SH3TC1: variants seen among roughly 807,000 people sequenced by gnomAD.
SH3TC1 encodes SH3 domain and tetratricopeptide repeats 1, also known as SH3 domain and tetratricopeptide repeat-containing protein 1.
Under a neutral mutation model 117.3 loss-of-function variants are expected in SH3TC1, and 135 were observed. The observed-to-expected ratio is 1.15, with a 90% CI of 1.00 to 1.33. SH3TC1 has a LOEUF of 1.33. Ranked by LOEUF, SH3TC1 falls within the 40% of genes most tolerant of loss-of-function variation. The pLI is 0.00. For synonymous variants in SH3TC1, 898 were observed against 816.9 expected, an observed-to-expected ratio of 1.10 and a Z score of -1.69; for missense variants, 2,092 against 1,794.3, an observed-to-expected ratio of 1.17 and a Z score of -3.00.
chr4:8,184,020 A>G (rs1031887814), intron 1 of SH3TC1, among the ~76,000 whole-genome samples: 2 of 152,074 alleles, frequency 1.3e-5, no homozygotes, highest in African/African-American at 4.8e-5. Context: ...AAAGTGCTGT[A>G]TTACAGGCAT....
intron 16 of SH3TC1, 130 bp downstream of exon 16, chr4:8,236,558 C>G (rs1169409946): frequency 7.9e-7 from 1 of 1,268,088 alleles, no homozygotes; most frequent in Non-Finnish European, 1.0e-6. Context: ...CACATCTGCC[C>G]AGCTGGCTCC....
chr4:8,233,162 A>G, intron 13 of SH3TC1: 1 of 1,391,636 alleles, frequency 7.2e-7, no homozygotes, highest in Non-Finnish European at 9.3e-7. Context: ...CAGTTCCCTC[A>G]GAAGGATGTC....
At chr4:8,239,564 AC>A (rs1274302874) in intron 17 of SH3TC1, among the ~76,000 whole-genome samples, 1 of 151,848 alleles carries the variant, frequency 6.6e-6, no homozygotes, top group African/African-American at 2.4e-5. Flanking sequence ...GCACATGCAC[AC>A]GCAAATGCAC....
At chr4:8,233,204 C>A in intron 13 of SH3TC1, 159 bp from the exon 14 acceptor site, 1 of 1,412,278 alleles carries the variant, frequency 7.1e-7, no homozygotes, top group Non-Finnish European at 9.2e-7. Flanking sequence ...TGTGTTCAAC[C>A]CCACCCTCTC....
intron 9 of SH3TC1, 100 bp downstream of exon 9, chr4:8,219,630 G>T: frequency 7.8e-7 from 1 of 1,282,316 alleles, no homozygotes. Flanking sequence ...AAGCCTGAAA[G>T]TCACTGTGGA....
intron 5 of SH3TC1, chr4:8,215,026 A>G (rs1719114988): frequency 2.4e-6 from 1 of 414,312 alleles, no homozygotes; most frequent in Non-Finnish European, 5.0e-6. Context: ...TAGCAAGATA[A>G]CAACACTGGT....
intron 17 of SH3TC1, among the ~76,000 whole-genome samples, chr4:8,239,253 AC>A (rs1722095460): frequency 3.0e-5 from 2 of 66,198 alleles, no homozygotes; most frequent in Non-Finnish European, 9.8e-5. Flanking sequence ...ACAGGGACAC[AC>A]ACACACACAC....
chr4:8,206,899 T>G lies in SH3TC1; in HGVS notation c.172+1533T>G, dbSNP rs1260783216. ...TCTTCTGATCCTTTTGGGAGTAAAT[T>G]GCAGACATGATGCCCCTTCATCCTA... On this transcript the variant is annotated intron_variant, in intron 2 of 17. Coordinates refer to ENST00000245105, the MANE Select transcript of SH3TC1 (RefSeq NM_018986.5). This position sits in a 1 kb window ranked among gnomAD's most constrained non-coding sequence, Gnocchi z 5.5. Among the ~76,000 whole-genome samples, 1 of 150,988 alleles carries G rather than the reference T, an allele frequency of 6.6e-6. No homozygotes were observed. Among genetic ancestry groups the G allele is most frequent in the Non-Finnish European group, 1.5e-5 (1 of 67,856 alleles).
At position 8,227,854 on chromosome 4, in the gene SH3TC1, G is replaced by A. The variant is rs1720672992; in HGVS notation, c.2160G>A (p.Lys720=). 6.2e-7 allele frequency: 1 copy of A among 1,612,826 alleles called. No homozygotes were observed. Among genetic ancestry groups the A allele is most frequent in the Admixed American group, 1.7e-5 (1 of 60,028 alleles). ...TCCTGGCTGACATCTACAGCCGCAA[G>A]TGCCTGCCCCACCTGGTGCTGAGCT... The part of the protein sequence containing the change: ...YLLLADIYSR[K]CLPHLVLSCV... The change falls in exon 12 of 18, where the codon AAG becomes AAA. Residue 720 remains lysine (K), a synonymous_variant. Coordinates refer to ENST00000245105, the MANE Select transcript of SH3TC1 (RefSeq NM_018986.5).
At chr4:8,239,260 C>CAGAG (rs1293804949) in intron 17 of SH3TC1, among the ~76,000 whole-genome samples, 2,294 of 151,760 alleles carry the variant, frequency 0.015, 57 homozygotes, top group African/African-American at 0.05. Context: ...CACACACACA[C>CAGAG]ACACAGAGAC....
At chr4:8,194,326 G>A (rs2152975136), upstream of SH3TC1, among the ~76,000 whole-genome samples, 1 of 152,354 alleles carries the variant, frequency 6.6e-6, no homozygotes, top group South Asian at 2.1e-4. Flanking sequence ...TGAGCGACCT[G>A]GGAGAGTCAC....
At chr4:8,233,248 A>T (rs886440427) in intron 13 of SH3TC1, 115 bp from the exon 14 acceptor site, 10 of 1,469,510 alleles carry the variant, frequency 6.8e-6, no homozygotes, top group Middle Eastern at 2.4e-4. Context: ...CTGCACACAC[A>T]AGAGGGCCGT....
Position 8,240,853 on chromosome 4 carries a change from G to A in SH3TC1, c.3909G>A (p.Lys1303=), listed in dbSNP as rs1382054553. 3 of 1,613,810 alleles carry A rather than the reference G, an allele frequency of 1.9e-6. No homozygotes were observed. Among genetic ancestry groups the A allele is most frequent in the African/African-American group, 1.3e-5 (1 of 74,936 alleles). The change falls in exon 18 of 18, where the codon AAG becomes AAA. Residue 1303 remains lysine (K), a synonymous_variant. Coordinates refer to ENST00000245105, the MANE Select transcript of SH3TC1 (RefSeq NM_018986.5). ...DREKSLFFYQ[K]ARTFATELNV... ...AGAAGTCGCTCTTCTTCTACCAGAAGGCCAGGACCTTCGCCACAGAGCTCA... is the reference window on the plus strand; with the variant it reads ...AGAAGTCGCTCTTCTTCTACCAGAAAGCCAGGACCTTCGCCACAGAGCTCA...
intron 1 of SH3TC1, among the ~76,000 whole-genome samples, chr4:8,187,125 C>G: frequency 6.6e-6 from 1 of 152,190 alleles, no homozygotes; most frequent in East Asian, 1.9e-4. Context: ...TATCCTCACT[C>G]GTACCCTCTG....
At position 8,205,852 on chromosome 4, in the gene SH3TC1, C is replaced by A; in HGVS notation, c.172+486C>A. The stretch of plus-strand genomic sequence containing the variant: ...ATTCCCGGGAGACCTGAAGAGTGAC[C>A]TAGGTGATCTCCAGGATCCCCTCTT... On this transcript the variant is annotated intron_variant, in intron 2 of 17. Coordinates refer to ENST00000245105, the MANE Select transcript of SH3TC1 (RefSeq NM_018986.5). This position sits in a 1 kb window ranked among gnomAD's most constrained non-coding sequence, Gnocchi z 5.4. 1 of 586,746 alleles carries A rather than the reference C, an allele frequency of 1.7e-6. No individual in the cohort carries two copies. Among genetic ancestry groups the A allele is most frequent in the South Asian group, 2.1e-5 (1 of 47,434 alleles). 36.3% of individuals were successfully genotyped at this position (586,746 alleles called of 1,614,324 possible).
At chr4:8,204,290 G>A (rs939317427) in intron 1 of SH3TC1, among the ~76,000 whole-genome samples, 2 of 152,180 alleles carry the variant, frequency 1.3e-5, no homozygotes, top group Admixed American at 6.5e-5. Context: ...CAGGAGCTGC[G>A]GGGCACGCTG....
chr4:8,228,635 C>T lies in SH3TC1; in HGVS notation c.2941C>T (p.His981Tyr), dbSNP rs759518280. Residue 981 changes from histidine (H) to tyrosine (Y), a missense_variant, in exon 12 of 18, where the codon CAC (histidine) becomes TAC (tyrosine). Transcript: ENST00000245105. ...WALLVAVEMG[H>Y]VESQLRAVQR... Reference sequence around the variant, plus strand: ...CCTTCTGGTCGCCGTGGAGATGGGCCACGTGGAGAGTGAGTGCCCCAGTTC... The same window carrying T: ...CCTTCTGGTCGCCGTGGAGATGGGCTACGTGGAGAGTGAGTGCCCCAGTTC... The T allele has an allele frequency of 5.3e-6, 8 of 1,504,448 alleles. No homozygotes were observed. In the African/African-American group the frequency reaches 5.5e-5, roughly 10 times the overall value. The allele number at this position is 1,504,448 out of a possible 1,614,324, so 93.2% of individuals were successfully genotyped here.
In SH3TC1 at chr4:8,232,053, C is replaced by T. The variant is rs1465321894; in HGVS notation, c.3028C>T (p.His1010Tyr). The stretch of plus-strand genomic sequence containing the variant: ...CAGCGAGGCCCAGTGTGTCATCTAC[C>T]ATGAGCTCCAGCTCTCCCTGGCCTG... ...MPSEAQCVIY[H>Y]ELQLSLACKV... Residue 1010 changes from histidine to tyrosine, a missense_variant, in exon 13 of 18, where the codon CAT (histidine) becomes TAT (tyrosine). His to Tyr is a moderately conservative substitution (Grantham distance 83, BLOSUM62 2). Coordinates refer to ENST00000245105, the MANE Select transcript of SH3TC1 (RefSeq NM_018986.5). The T allele has an allele frequency of 3.8e-5, 62 of 1,613,418 alleles. No homozygotes were observed. The highest frequency in any genetic ancestry group is 5.0e-5 in the Non-Finnish European group (59 of 1,180,022).
Position 8,232,155 on chromosome 4 carries a change from C to G in SH3TC1, c.3130C>G (p.Arg1044Gly). Residue 1044 changes from arginine to glycine, a missense_variant and splice_region_variant, in exon 13 of 18, where the codon CGG (arginine) becomes GGG (glycine). By Grantham distance (125) the Arg-to-Gly change is moderately radical (BLOSUM62 -2). Coordinates refer to ENST00000245105, the MANE Select transcript of SH3TC1 (RefSeq NM_018986.5). ...GCTCTACCTGTCCCTGGGCACCGAG[C>G]GGTGAGGGCTGGCTCTGTGGTGGTG... ...SQLYLSLGTE[R>G]AYKSALDYTK... The G allele has an allele frequency of 1.5e-6, 2 of 1,350,114 alleles. No individual in the cohort carries two copies. Among genetic ancestry groups the G allele is most frequent in the Non-Finnish European group, 1.9e-6 (2 of 1,034,638 alleles). 83.6% of individuals were successfully genotyped at this position (1,350,114 alleles called of 1,614,324 possible).
Sources: gnomAD v4.1 joint callset for allele counts (sites outside exome capture counted in the v4.1 genomes callset) on GRCh38, gnomAD v4.1.1 for gene constraint, Gnocchi (gnomAD v3.1) non-coding constraint, MANE v1.5 for transcripts, NCBI Gene and HGNC (gene_info 2026-07-23, HGNC 2026-07-21) for gene names.